Variants in FRY observed in about 807,000 individuals in gnomAD.
The protein encoded by FRY is protein furry homolog.
A neutral mutation model predicts 348.4 loss-of-function variants in FRY; 128 were observed. That is an observed-to-expected ratio of 0.37 (90% CI 0.32 to 0.43). The LOEUF (loss-of-function observed/expected upper bound fraction) is 0.43, where lower values mean the gene tolerates loss of function less well. Ranked by LOEUF, FRY falls within the 20% of genes least tolerant of loss-of-function variation. The probability of loss-of-function intolerance (pLI) is 1.00; values close to 1 mark genes in which losing one functional copy is unlikely to be tolerated. For synonymous variants in FRY, 1,370 were observed against 1,374.7 expected, an observed-to-expected ratio of 1.00 and a Z score of 0.08; for missense variants, 2,736 against 3,695.2, an observed-to-expected ratio of 0.74 and a Z score of 6.73.
At chr13:32,095,111 G>A (rs1483762677) in intron 2 of FRY, among the ~76,000 whole-genome samples, 3 of 152,134 alleles carry the variant, frequency 2.0e-5, no homozygotes, top group Admixed American at 6.5e-5. Flanking sequence ...GTGATGTTGA[G>A]CACCTTTCAT....
chr13:32,220,735 T>C (rs1318415894), intron 36 of FRY, among the ~76,000 whole-genome samples: 1 of 152,212 alleles, frequency 6.6e-6, no homozygotes. Context: ...AAGAATAACA[T>C]ATCCCTTCCT....
chr13:32,043,220 T>C (rs1872837102), intron 1 of FRY, among the ~76,000 whole-genome samples: 1 of 152,030 alleles, frequency 6.6e-6, no homozygotes, highest in South Asian at 2.1e-4. Context: ...ATGGGAGAAA[T>C]TGCCCCCATG....
Position 32,178,347 on chromosome 13 carries a change from C to T in FRY, c.2592C>T (p.Asn864=). 1.2e-6 allele frequency: 2 copies of T among 1,614,188 alleles called. No individual in the cohort carries two copies. Among genetic ancestry groups the T allele is most frequent in the Non-Finnish European group, 1.7e-6 (2 of 1,179,996 alleles). ...LCLFSFLRQE[N]LPKHCPTALS... is the part of the protein sequence containing the mutation. ...TCTTCAGCTTCCTCCGGCAGGAGAA[C>T]TTACCCAAGCACTGCCCCACAGCCC... The change falls in exon 21 of 61, where the codon AAC becomes AAT. Residue 864 remains asparagine, a synonymous_variant. Coordinates refer to ENST00000542859, the MANE Select transcript of FRY (RefSeq NM_023037.3).
chr13:32,253,672 A>G (rs768395558), intron 50 of FRY, among the ~76,000 whole-genome samples: 2 of 152,174 alleles, frequency 1.3e-5, no homozygotes, highest in African/African-American at 4.8e-5. Flanking sequence ...AGTATAAGTT[A>G]TGGGCCTGGT....
At chr13:32,126,435 T>C (rs1024234155) in intron 7 of FRY, among the ~76,000 whole-genome samples, 2 of 152,256 alleles carry the variant, frequency 1.3e-5, no homozygotes, top group African/African-American at 4.8e-5. Context: ...GGAATTTCCA[T>C]TTTAGGTAAG....
chr13:32,039,651 T>C, intron 1 of FRY, among the ~76,000 whole-genome samples: 1 of 152,226 alleles, frequency 6.6e-6, no homozygotes, highest in Admixed American at 6.5e-5. Context: ...CTCCAGATGC[T>C]AAGCAGTGAA....
intron 29 of FRY, among the ~76,000 whole-genome samples, chr13:32,195,748 A>ATG (rs2138303752): frequency 6.6e-6 from 1 of 152,294 alleles, no homozygotes; most frequent in East Asian, 1.9e-4. Context: ...AAAACCTGCT[A>ATG]TGTTCCAAGT....
intron 58 of FRY, among the ~76,000 whole-genome samples, chr13:32,279,164 T>C (rs1888692943): frequency 6.6e-6 from 1 of 152,180 alleles, no homozygotes; most frequent in African/African-American, 2.4e-5. Context: ...GTCATACAGC[T>C]ATTAACTGCA....
rs377419671 is a variant in FRY at position 32,044,483 on chromosome 13, A to G, written c.70+12618A>G. Among the ~76,000 whole-genome samples the G allele has an allele frequency of 3.9e-5, 6 of 152,376 alleles. No individual in the cohort carries two copies. The East Asian group carries it at 7.7e-4, about 20-fold the overall frequency. On this transcript the variant is annotated intron_variant, in intron 1 of 60. Transcript: ENST00000542859. The stretch of plus-strand genomic sequence containing the variant: ...CTTACATCCTATTGAGGCAAATACC[A>G]TTTTGTAGAATAAAAACCAAATGCT...
chr13:32,244,088 T>G lies in FRY; in HGVS notation c.6734T>G (p.Val2245Gly), dbSNP rs1387171965. Residue 2245 changes from valine (V) to glycine (G), a missense_variant, in exon 47 of 61, where the codon GTG becomes GGG. This residue lies in a region of FRY where 789 missense variants were observed against 996.2 expected (regional missense o/e 0.79). Transcript: ENST00000542859. ...AGTGTGCAGCAGCCCCTGCTCCAGG[T>G]GATCTACAGTCTTCTCAGCTACATG... ...LPSVQQPLLQVIYSLLSYMDL... is the reference protein window; with the variant it reads ...LPSVQQPLLQGIYSLLSYMDL... 3 of 1,613,886 alleles carry G rather than the reference T, an allele frequency of 1.9e-6. No homozygotes were observed. The Admixed American group carries it at 5.0e-5, about 27-fold the overall frequency.
At chr13:32,264,085 C>G (rs2138553380) in intron 53 of FRY, among the ~76,000 whole-genome samples, 1 of 152,264 alleles carries the variant, frequency 6.6e-6, no homozygotes, top group East Asian at 1.9e-4. Flanking sequence ...AGAGCTATCC[C>G]TGTTTTTCAC....
chr13:32,166,332 C>T (rs1440249729), intron 17 of FRY, among the ~76,000 whole-genome samples: 2 of 152,146 alleles, frequency 1.3e-5, no homozygotes, highest in Non-Finnish European at 2.9e-5. Context: ...CAGCTGAGAC[C>T]TGTTCTTTCT....
chr13:32,271,678 G>T (rs1157386860), intron 55 of FRY, among the ~76,000 whole-genome samples: 1 of 152,186 alleles, frequency 6.6e-6, no homozygotes, highest in African/African-American at 2.4e-5. Context: ...GGAGTGAAAG[G>T]CCTCAGATAT....
In FRY at chr13:32,194,403, C is replaced by A. The variant is rs1593722453; in HGVS notation, c.3746+106C>A. On this transcript the variant is annotated intron_variant, in intron 29 of 60. Transcript: ENST00000542859. ...TGCAACTATATGAGCAAAGTAAGTT[C>A]TATGAGAATATAAAATGTTCTGTAT... The A allele has an allele frequency of 6.1e-6, 6 of 983,202 alleles. No individual in the cohort carries two copies. The East Asian group carries it at 9.7e-5, about 16-fold the overall frequency. The allele number at this position is 983,202 out of a possible 1,614,324, so 60.9% of individuals were successfully genotyped here.
intron 23 of FRY, among the ~76,000 whole-genome samples, chr13:32,182,015 A>G (rs1242082475): frequency 6.6e-6 from 1 of 152,198 alleles, no homozygotes; most frequent in African/African-American, 2.4e-5. Context: ...AATAGAACCC[A>G]GGCTTTCTGT....
intron 46 of FRY, among the ~76,000 whole-genome samples, chr13:32,240,252 T>A (rs1277439718): frequency 6.6e-6 from 1 of 152,200 alleles, no homozygotes; most frequent in Non-Finnish European, 1.5e-5. Context: ...TTCACAAGTT[T>A]AAAGCAGCAG....
At chr13:32,151,938 A>T (rs1880818309) in intron 14 of FRY, among the ~76,000 whole-genome samples, 1 of 152,230 alleles carries the variant, frequency 6.6e-6, no homozygotes, top group Non-Finnish European at 1.5e-5. Flanking sequence ...TGATTTTAAG[A>T]AGTCTGTAGG....
intron 3 of FRY, 48 bp from the exon 4 acceptor site, chr13:32,117,286 A>G (rs764733660): frequency 6.3e-7 from 1 of 1,591,904 alleles, no homozygotes; most frequent in East Asian, 2.2e-5. Flanking sequence ...GTTTCTCAGT[A>G]ATTGGCAGTG....
At position 32,254,399 on chromosome 13, in the gene FRY, G is replaced by A. The variant is rs773483587; in HGVS notation, c.7416+5G>A. On this transcript the variant is annotated splice_donor_5th_base_variant and intron_variant, in intron 51 of 60. Transcript: ENST00000542859. The stretch of plus-strand genomic sequence containing the variant: ...GTGGAGCTGGAGGATGGAGAGGTAC[G>A]GTGTATTCTCTGTAAAAATAATCCC... 15 of 1,612,284 alleles carry A rather than the reference G, an allele frequency of 9.3e-6. No homozygotes were observed. Among genetic ancestry groups the A allele is most frequent in the Non-Finnish European group, 1.1e-5 (13 of 1,178,514 alleles).
Sources: allele counts gnomAD v4.1 joint callset (sites outside exome capture counted in the v4.1 genomes callset), GRCh38; gene constraint gnomAD v4.1.1; regional missense constraint gnomAD v4.1.1; transcripts MANE v1.5; gene names NCBI Gene and HGNC (gene_info 2026-07-23, HGNC 2026-07-21).